Variants in SLC9A7 observed in about 807,000 individuals in gnomAD.
The protein encoded by SLC9A7 is solute carrier family 9 member A7.
A neutral mutation model predicts 52.6 loss-of-function variants in SLC9A7; 19 were observed. That is an observed-to-expected ratio of 0.36 (90% CI 0.25 to 0.53). The LOEUF (loss-of-function observed/expected upper bound fraction) is 0.53, where lower values mean the gene tolerates loss of function less well. Ranked by LOEUF, SLC9A7 falls within the 20% of genes least tolerant of loss-of-function variation. The pLI is 0.91. For synonymous variants in SLC9A7, 226 were observed against 252.1 expected (o/e 0.90, Z 0.98); for missense variants, 455 against 597.9 (o/e 0.76, Z 2.49).
chrX:46,648,767 T>C lies in SLC9A7; in HGVS notation c.1381A>G (p.Ile461Val). 4.1e-6 allele frequency: 5 copies of C among 1,211,200 alleles called. No individual in the cohort carries two copies. The highest frequency in any genetic ancestry group is 5.6e-6 in the Non-Finnish European group (5 of 895,061). ...TTGAGGAAGAAGGAGAGCGGGTAGA[T>C]GTGCGCGGCTCTGCCCAGGAAGATG... ...VAIFLGRAAH[I>V]YPLSFFLNLG... The change falls in exon 11 of 17, where the codon ATC becomes GTC. Residue 461 changes from isoleucine (I) to valine (V), a missense_variant. Transcript: ENST00000616978.
At chrX:46,708,819 A>G (rs777872733) in intron 1 of SLC9A7, among the ~76,000 whole-genome samples, 2 of 111,327 alleles carry the variant, frequency 1.8e-5, no homozygotes. Context: ...AATCAATTCA[A>G]TGACAACATA....
intron 1 of SLC9A7, chrX:46,725,500 C>T (rs1602275519): frequency 1.0e-6 from 1 of 996,800 alleles, no homozygotes; most frequent in East Asian, 3.0e-5. Context: ...TTCATAGCAT[C>T]AACCGTGGTC....
chrX:46,751,109 A>C (rs782535510), intron 1 of SLC9A7, among the ~76,000 whole-genome samples: 2 of 111,792 alleles, frequency 1.8e-5, no homozygotes, highest in Non-Finnish European at 3.8e-5. Context: ...GATGCAGAAC[A>C]TTTCCAGGCT....
intron 1 of SLC9A7, chrX:46,685,245 A>G (rs1450924228): frequency 8.9e-6 from 1 of 112,766 alleles, no homozygotes; most frequent in Admixed American, 9.5e-5. Flanking sequence ...ACTGCCTGGC[A>G]CTGGAACTCC....
At chrX:46,631,528 T>C in intron 14 of SLC9A7, 58 bp downstream of exon 14, 1 of 978,439 alleles carries the variant, frequency 1.0e-6, no homozygotes, top group South Asian at 2.0e-5. Flanking sequence ...GTAAAGTGCC[T>C]GGCATGTGGC....
At position 46,754,506 on chromosome X, in the gene SLC9A7, T is replaced by G. The variant is rs60519031; in HGVS notation, c.325+4199A>C. Reference sequence around the variant, plus strand: ...CAGGAAGGAGATGGTTCCAAAATGTTTGCTTACAGGTTCAAATGTTAATTT... The same window carrying G: ...CAGGAAGGAGATGGTTCCAAAATGTGTGCTTACAGGTTCAAATGTTAATTT... On this transcript the variant is annotated intron_variant, in intron 1 of 16. Coordinates refer to ENST00000616978, the MANE Select transcript of SLC9A7 (RefSeq NM_001257291.2). 2.5e-3 allele frequency among the ~76,000 whole-genome samples: 280 copies of G among 111,431 alleles called. 5 individuals are homozygous for G. The East Asian group carries it at 0.054, about 21-fold the overall frequency.
In SLC9A7 at chrX:46,690,366, T is replaced by C. The variant is rs753170053; in HGVS notation, c.326-7831A>G. On this transcript the variant is annotated intron_variant, in intron 1 of 16. Coordinates refer to ENST00000616978, the MANE Select transcript of SLC9A7 (RefSeq NM_001257291.2). ...TGTTGAATATCTTTTTGTGTACTTA[T>C]TGGCAATCCTAATACCCTCTTCAGA... Among the ~76,000 whole-genome samples the C allele has an allele frequency of 1.9e-4, 21 of 112,677 alleles. 1 individual carries two copies. Among genetic ancestry groups the C allele is most frequent in the Middle Eastern group, 8.4e-3 (2 of 239 alleles).
intron 1 of SLC9A7, among the ~76,000 whole-genome samples, chrX:46,736,283 G>C (rs1048101868): frequency 1.8e-5 from 2 of 111,564 alleles, no homozygotes; most frequent in African/African-American, 6.5e-5. Context: ...ATTTGAATTT[G>C]ATTTTTTCTT....
chrX:46,648,737 C>T lies in SLC9A7; in HGVS notation c.1411G>A (p.Gly471Ser). Reference sequence around the variant, plus strand: ...TTCCAGCCAATCTTATGCCTTCTGCCCAAGTTGAGGAAGAAGGAGAGCGGG... The same window carrying T: ...TTCCAGCCAATCTTATGCCTTCTGCTCAAGTTGAGGAAGAAGGAGAGCGGG... ...IYPLSFFLNL[G>S]RRHKIGWNFQ... is the part of the protein sequence containing the mutation. The change falls in exon 11 of 17, where the codon GGC (glycine) becomes AGC (serine). Residue 471 changes from glycine (G) to serine (S), a missense_variant. This residue lies in a region of SLC9A7 where 304 missense variants were observed against 417.8 expected (regional missense o/e 0.73). Coordinates refer to ENST00000616978, the MANE Select transcript of SLC9A7 (RefSeq NM_001257291.2). The T allele has an allele frequency of 8.3e-7, 1 of 1,211,267 alleles. No homozygotes were observed. Among genetic ancestry groups the T allele is most frequent in the South Asian group, 1.8e-5 (1 of 56,958 alleles).
intron 11 of SLC9A7, 118 bp from the exon 12 acceptor site, chrX:46,643,507 T>C (rs1472786584): frequency 1.4e-6 from 1 of 724,030 alleles, no homozygotes; most frequent in Admixed American, 3.4e-5. Context: ...AGGGGCCAAG[T>C]TGTTTTACTC....
chrX:46,758,161 G>T (rs1922817683), intron 1 of SLC9A7, among the ~76,000 whole-genome samples: 1 of 111,586 alleles, frequency 9.0e-6, no homozygotes, highest in Admixed American at 9.5e-5. Flanking sequence ...CACACTTCAT[G>T]CTCTGACTTT....
chrX:46,677,080 C>A (rs1944132037), intron 3 of SLC9A7, among the ~76,000 whole-genome samples: 1 of 111,835 alleles, frequency 8.9e-6, no homozygotes, highest in South Asian at 3.7e-4. Flanking sequence ...GCAGACAGAA[C>A]TTATGTTCCA....
At chrX:46,645,474 C>G (rs1943474337) in intron 11 of SLC9A7, among the ~76,000 whole-genome samples, 2 of 111,627 alleles carry the variant, frequency 1.8e-5, no homozygotes, top group South Asian at 7.5e-4. Context: ...GAAGAGCCCA[C>G]TCCATATCCC....
At position 46,753,992 on chromosome X, in the gene SLC9A7, T is replaced by C. The variant is rs991209812; in HGVS notation, c.325+4713A>G. Among the ~76,000 whole-genome samples the C allele has an allele frequency of 8.4e-5, 9 of 107,026 alleles. No individual in the cohort carries two copies. The East Asian group carries it at 2.3e-3, about 28-fold the overall frequency. 92.9% of individuals were successfully genotyped at this position (107,026 alleles called of 115,157 possible). On this transcript the variant is annotated intron_variant, in intron 1 of 16. Transcript: ENST00000616978. ...CAGAGTGAGACTCTGTCTCAAATAATAATAATAATAATAATAATAAATAAA... is the reference window on the plus strand; with the variant it reads ...CAGAGTGAGACTCTGTCTCAAATAACAATAATAATAATAATAATAAATAAA...
Position 46,751,892 on chromosome X carries a change from T to C in SLC9A7, c.325+6813A>G, listed in dbSNP as rs1002697841. On this transcript the variant is annotated intron_variant, in intron 1 of 16. Coordinates refer to ENST00000616978, the MANE Select transcript of SLC9A7 (RefSeq NM_001257291.2). ...CAGGTAAACTAATGTCAAACAGTGT[T>C]AATCAGTGCTAGAAAGAGTTTAATG... Among the ~76,000 whole-genome samples the C allele has an allele frequency of 2.7e-5, 3 of 112,068 alleles. No homozygotes were observed. In the Admixed American group the frequency reaches 2.8e-4, roughly 11 times the overall value.
chrX:46,718,140 C>T (rs931934058), intron 1 of SLC9A7, among the ~76,000 whole-genome samples: 8 of 111,392 alleles, frequency 7.2e-5, no homozygotes, highest in African/African-American at 2.6e-4. Flanking sequence ...AGAAATAATA[C>T]CACACATACA....
chrX:46,635,207 T>C (rs1393857832), intron 13 of SLC9A7, among the ~76,000 whole-genome samples: 1 of 112,027 alleles, frequency 8.9e-6, no homozygotes, highest in Non-Finnish European at 1.9e-5. Flanking sequence ...ATTCTAGTTC[T>C]CTTTATGAAT....
intron 12 of SLC9A7, 54 bp downstream of exon 12, chrX:46,643,182 T>C: frequency 8.9e-7 from 1 of 1,118,170 alleles, no homozygotes; most frequent in Non-Finnish European, 1.2e-6. Flanking sequence ...TTGTTGAACA[T>C]TCTCAGGAAC....
chrX:46,642,680 T>G (rs1943425973), intron 12 of SLC9A7, among the ~76,000 whole-genome samples: 1 of 112,135 alleles, frequency 8.9e-6, no homozygotes, highest in Non-Finnish European at 1.9e-5. Flanking sequence ...GTGCTCCTTC[T>G]GTCCTGACAC....
Sources: allele counts gnomAD v4.1 joint callset (sites outside exome capture counted in the v4.1 genomes callset), GRCh38; gene constraint gnomAD v4.1.1; regional missense constraint gnomAD v4.1.1; transcripts MANE v1.5; gene names NCBI Gene and HGNC (gene_info 2026-07-23, HGNC 2026-07-21).